SDK1: variants seen among roughly 807,000 people sequenced by gnomAD.
The protein encoded by SDK1 is protein sidekick-1.
Under a neutral mutation model 245.5 loss-of-function variants are expected in SDK1, and 157 were observed. That is an observed-to-expected ratio of 0.64 (90% confidence interval 0.56 to 0.73). The LOEUF (loss-of-function observed/expected upper bound fraction) is 0.73. Ranked by LOEUF, SDK1 falls within the 30% of genes least tolerant of loss-of-function variation. The pLI is 0.00. For synonymous variants in SDK1, 1,647 were observed against 1,278.5 expected (o/e 1.29, Z -6.15); for missense variants, 3,583 against 3,002.3 (o/e 1.19, Z -4.52).
intron 13 of SDK1, among the ~76,000 whole-genome samples, chr7:3,977,615 C>G (rs1398670716): frequency 6.6e-6 from 1 of 152,240 alleles, no homozygotes; most frequent in African/African-American, 2.4e-5. Context: ...CACCCCTTAG[C>G]ATTCAACGAC....
At chr7:4,240,508 A>G (rs1453682233) in intron 42 of SDK1, among the ~76,000 whole-genome samples, 2 of 151,758 alleles carry the variant, frequency 1.3e-5, no homozygotes, top group South Asian at 2.1e-4. Context: ...CCCATCTTTC[A>G]TTTTCTGCTC....
At chr7:3,375,351 C>T (rs1781328507) in intron 1 of SDK1, among the ~76,000 whole-genome samples, 1 of 152,132 alleles carries the variant, frequency 6.6e-6, no homozygotes, top group African/African-American at 2.4e-5. Context: ...AGCCCAAGTA[C>T]ATATGGGGGT....
chr7:4,049,486 C>T (rs779470156), intron 18 of SDK1, 23 bp downstream of exon 18: 4 of 1,545,584 alleles, frequency 2.6e-6, no homozygotes, highest in Non-Finnish European at 3.6e-6. Context: ...GGTTCAGGGC[C>T]TGTGGGCAGC....
intron 5 of SDK1, among the ~76,000 whole-genome samples, chr7:3,911,507 C>G (rs1402731691): frequency 6.6e-6 from 1 of 152,128 alleles, no homozygotes; most frequent in Non-Finnish European, 1.5e-5. Context: ...CTTCCTCAGG[C>G]TACCTGAGGA....
At position 4,077,126 on chromosome 7, in the gene SDK1, G is replaced by T. The variant is rs752517625; in HGVS notation, c.3139G>T (p.Ala1047Ser). 1.9e-6 allele frequency: 3 copies of T among 1,614,204 alleles called. No individual in the cohort carries two copies. Among genetic ancestry groups the T allele is most frequent in the Non-Finnish European group, 2.5e-6 (3 of 1,180,050 alleles). ...CACCACCTACACCATCGACGTGGCC[G>T]CTGTGACTGCCGTGGGCACTGGCCT... ...SLTTYTIDVAAVTAVGTGLVT... is the reference protein window; with the variant it reads ...SLTTYTIDVASVTAVGTGLVT... Residue 1047 changes from alanine (A) to serine (S), a missense_variant, in exon 21 of 45, where the codon GCT becomes TCT. Physicochemically the swap from Ala to Ser is moderately conservative, Grantham distance 99. Transcript: ENST00000404826.
chr7:3,483,275 T>C (rs552590223), intron 1 of SDK1, among the ~76,000 whole-genome samples: 8 of 152,338 alleles, frequency 5.3e-5, no homozygotes, highest in African/African-American at 1.4e-4. Flanking sequence ...TTATGTCCTT[T>C]AGTCAAGTTT....
chr7:3,535,013 C>T (rs887075934), intron 1 of SDK1, among the ~76,000 whole-genome samples: 5 of 152,176 alleles, frequency 3.3e-5, no homozygotes, highest in Non-Finnish European at 4.4e-5. Flanking sequence ...GTGGCTCACT[C>T]CTGTAATCCC....
At chr7:3,941,217 C>G (rs1024385076) in intron 5 of SDK1, among the ~76,000 whole-genome samples, 1 of 152,178 alleles carries the variant, frequency 6.6e-6, no homozygotes, top group East Asian at 1.9e-4. Context: ...CCCCGTCTTT[C>G]TTCCTCCTCT....
At chr7:3,509,501 T>C (rs1304107156) in intron 1 of SDK1, among the ~76,000 whole-genome samples, 3 of 152,218 alleles carry the variant, frequency 2.0e-5, no homozygotes, top group Non-Finnish European at 4.4e-5. Flanking sequence ...AATTGCTATG[T>C]AGGGGCTTAT....
At chr7:3,433,205 G>A (rs1010589262) in intron 1 of SDK1, among the ~76,000 whole-genome samples, 6 of 152,058 alleles carry the variant, frequency 3.9e-5, no homozygotes, top group African/African-American at 4.8e-5. Context: ...GCCTGGCTTC[G>A]TCCACATTAT....
chr7:3,602,233 G>T (rs1190250955), intron 1 of SDK1, among the ~76,000 whole-genome samples: 1 of 151,446 alleles, frequency 6.6e-6, no homozygotes. Context: ...TCTAGTTCTA[G>T]ATCCCTGAGG....
At position 4,077,005 on chromosome 7, in the gene SDK1, G is replaced by T. The variant is rs1301134090; in HGVS notation, c.3018G>T (p.Gln1006His). 3 of 1,613,916 alleles carry T rather than the reference G, an allele frequency of 1.9e-6. No homozygotes were observed. Among genetic ancestry groups the T allele is most frequent in the Non-Finnish European group, 1.7e-6 (2 of 1,179,996 alleles). Reference sequence around the variant, plus strand: ...GGTCCTGTTGCTTTCTAGGCTATCAGATCTCTTGGGAAGTGTACGGCAGGA... The same window carrying T: ...GGTCCTGTTGCTTTCTAGGCTATCATATCTCTTGGGAAGTGTACGGCAGGA... Reference protein sequence around the residue: ...LEKNGIITGYQISWEVYGRND... With the variant: ...LEKNGIITGYHISWEVYGRND... The change falls in exon 21 of 45, where the codon CAG (glutamine) becomes CAT (histidine). Residue 1006 changes from glutamine (Q) to histidine (H), a missense_variant. Coordinates refer to ENST00000404826, the MANE Select transcript of SDK1 (RefSeq NM_152744.4).
At chr7:3,722,032 GT>G (rs200192614) in intron 4 of SDK1, among the ~76,000 whole-genome samples, 2 of 151,564 alleles carry the variant, frequency 1.3e-5, no homozygotes, top group Admixed American at 6.6e-5. Flanking sequence ...TTGACCTCTT[GT>G]TTTTTTTGTT....
chr7:4,106,617 A>G (rs1233673153), intron 22 of SDK1, among the ~76,000 whole-genome samples: 1 of 152,160 alleles, frequency 6.6e-6, no homozygotes, highest in African/African-American at 2.4e-5. Flanking sequence ...GTGACCGTGC[A>G]GTGGTTTCCC....
chr7:3,889,428 C>T (rs1217173991), intron 5 of SDK1, among the ~76,000 whole-genome samples: 1 of 152,126 alleles, frequency 6.6e-6, no homozygotes, highest in Non-Finnish European at 1.5e-5. Context: ...TTCATGGCAG[C>T]TGTAGCTGCA....
intron 38 of SDK1, among the ~76,000 whole-genome samples, chr7:4,217,773 G>A (rs1170384869): frequency 6.6e-6 from 1 of 152,154 alleles, no homozygotes; most frequent in Admixed American, 6.6e-5. Flanking sequence ...TTGTAGTGCT[G>A]GGCATGGTTT....
At chr7:4,242,662 A>G (rs1786602927) in intron 43 of SDK1, among the ~76,000 whole-genome samples, 1 of 152,188 alleles carries the variant, frequency 6.6e-6, no homozygotes, top group African/African-American at 2.4e-5. Context: ...GTGCCCCAGC[A>G]TCGGGGTGGA....
intron 25 of SDK1, among the ~76,000 whole-genome samples, chr7:4,119,742 T>C (rs559922263): frequency 6.7e-6 from 1 of 148,730 alleles, no homozygotes; most frequent in South Asian, 2.2e-4. Flanking sequence ...AGCCAAATTA[T>C]CCAAAATAAA....
intron 4 of SDK1, among the ~76,000 whole-genome samples, chr7:3,704,689 T>C (rs1462760986): frequency 1.3e-5 from 2 of 152,194 alleles, no homozygotes; most frequent in African/African-American, 4.8e-5. Flanking sequence ...AGCTTTTTAG[T>C]TTAATTAGAT....
Sources: allele counts gnomAD v4.1 joint callset (sites outside exome capture counted in the v4.1 genomes callset), GRCh38; gene constraint gnomAD v4.1.1; transcripts MANE v1.5; gene names NCBI Gene and HGNC (gene_info 2026-07-23, HGNC 2026-07-21).